Variants in SDK2 observed in about 807,000 individuals in gnomAD.
The protein encoded by SDK2 is sidekick cell adhesion molecule 2, also known as protein sidekick-2.
Under a neutral mutation model 253.9 loss-of-function variants are expected in SDK2, and 105 were observed. The observed-to-expected ratio is 0.41, with a 90% CI of 0.35 to 0.49. The LOEUF is 0.49. Among genes scored for constraint, SDK2 ranks in the 20% least tolerant of loss-of-function variants. SDK2 has a pLI of 0.06. For synonymous variants in SDK2, 1,249 were observed against 1,234.9 expected (o/e 1.01, Z -0.24); for missense variants, 2,608 against 3,003.0 (o/e 0.87, Z 3.07).
At chr17:73,349,287 G>A (rs2062514032) in intron 43 of SDK2, among the ~76,000 whole-genome samples, 1 of 152,216 alleles carries the variant, frequency 6.6e-6, no homozygotes, top group Non-Finnish European at 1.5e-5. Flanking sequence ...TCGGCTTTGG[G>A]AGCTCCTCCC....
At position 73,361,529 on chromosome 17, in the gene SDK2, C is replaced by T. The variant is rs1027744694; in HGVS notation, c.5467+155G>A. On this transcript the variant is annotated intron_variant, in intron 39 of 44. Transcript: ENST00000392650. The surrounding 1 kb of genome is among the most constrained non-coding windows in gnomAD (Gnocchi z 4.1). ...AAGCGTGGAGCCCGGGAGGAGGGAG[C>T]GGGGGGAGGGGTCACTGGGCACCAG... 2.0e-5 allele frequency among the ~76,000 whole-genome samples: 3 copies of T among 151,750 alleles called. No individual in the cohort carries two copies. The highest frequency in any genetic ancestry group is 4.8e-5 in the African/African-American group (2 of 41,298).
chr17:73,491,840 C>T (rs1157460742), intron 2 of SDK2, among the ~76,000 whole-genome samples: 1 of 152,206 alleles, frequency 6.6e-6, no homozygotes, highest in Admixed American at 6.5e-5. Flanking sequence ...TGGGGACCCG[C>T]CTGCGAGCCG....
In SDK2 at chr17:73,338,491, G is replaced by C. The variant is rs749240781; in HGVS notation, c.*96C>G. ...AACTCAGGAGGTGAAAAGTTGACTT[G>C]GTTTCTTGGTGTTTTTGTTTTCTGG... On this transcript the variant is annotated 3_prime_UTR_variant, in exon 45 of 45. Coordinates refer to ENST00000392650, the MANE Select transcript of SDK2 (RefSeq NM_001144952.2). The surrounding 1 kb of genome is among the most constrained non-coding windows in gnomAD (Gnocchi z 5.0). 1.1e-5 allele frequency: 9 copies of C among 792,442 alleles called. No homozygotes were observed. The highest frequency in any genetic ancestry group is 1.0e-4 in the African/African-American group (6 of 58,276). The allele number at this position is 792,442 out of a possible 1,614,324, so 49.1% of individuals were successfully genotyped here. A position where few individuals can be genotyped will look rare whatever the true frequency, so the allele number is the denominator to read the frequency against.
chr17:73,415,452 C>T (rs963776761), intron 17 of SDK2, among the ~76,000 whole-genome samples: 22 of 150,238 alleles, frequency 1.5e-4, no homozygotes, highest in African/African-American at 5.4e-4. Context: ...TCCCCAGGCT[C>T]CAGCCTTGGG....
chr17:73,451,631 C>A (rs1458068707), intron 4 of SDK2, among the ~76,000 whole-genome samples: 1 of 152,154 alleles, frequency 6.6e-6, no homozygotes, highest in Non-Finnish European at 1.5e-5. Context: ...TGGACTGGGA[C>A]CCCCAGGGCC....
rs1235864197 is a variant in SDK2, at chr17:73,455,905, C to T, written c.479+1G>A. On this transcript the variant is annotated splice_donor_variant, in intron 4 of 44. Transcript: ENST00000392650. LOFTEE classifies it high-confidence loss of function. This position sits in a 1 kb window ranked among gnomAD's most constrained non-coding sequence, Gnocchi z 5.0. ...CCGTCCCCTCAGAGCGATGCACTCA[C>T]ATGCGGCTGCTGGGCGGGATCTTGC... is the stretch of plus-strand genomic sequence containing the variant. 6.5e-7 allele frequency: 1 copy of T among 1,541,840 alleles called. No individual in the cohort carries two copies. Among genetic ancestry groups the T allele is most frequent in the Non-Finnish European group, 8.7e-7 (1 of 1,146,218 alleles).
chr17:73,561,770 G>A (rs1265478292), intron 1 of SDK2, among the ~76,000 whole-genome samples: 4 of 152,150 alleles, frequency 2.6e-5, no homozygotes, highest in African/African-American at 7.2e-5. Flanking sequence ...GAAGGGAGCC[G>A]AATGAGGGAC....
intron 2 of SDK2, among the ~76,000 whole-genome samples, chr17:73,505,747 A>G (rs1045669166): frequency 6.8e-6 from 1 of 147,322 alleles, no homozygotes; most frequent in Non-Finnish European, 1.5e-5. Flanking sequence ...CCTCATCAGC[A>G]TCAATAGCTG....
At chr17:73,573,033 C>T (rs1038301167) in intron 1 of SDK2, among the ~76,000 whole-genome samples, 3 of 152,172 alleles carry the variant, frequency 2.0e-5, no homozygotes, top group Non-Finnish European at 4.4e-5. Context: ...CATGAAGGAA[C>T]GGGTGACTGC....
chr17:73,505,708 G>C (rs2063929897), intron 2 of SDK2, among the ~76,000 whole-genome samples: 1 of 140,842 alleles, frequency 7.1e-6, no homozygotes, highest in South Asian at 2.3e-4. Flanking sequence ...ATCATCAATA[G>C]CTGGACCTCA....
At chr17:73,393,095 A>G (rs1001516939) in intron 27 of SDK2, among the ~76,000 whole-genome samples, 1 of 151,840 alleles carries the variant, frequency 6.6e-6, no homozygotes, top group African/African-American at 2.4e-5. Context: ...AAATACAACA[A>G]TCAGCTGGGT....
intron 2 of SDK2, among the ~76,000 whole-genome samples, chr17:73,502,125 C>T (rs1280228856): frequency 6.6e-6 from 1 of 151,500 alleles, no homozygotes; most frequent in Non-Finnish European, 1.5e-5. Context: ...ACACACCAGA[C>T]CCATTTGGCT....
At chr17:73,471,243 G>A (rs905552830) in intron 3 of SDK2, among the ~76,000 whole-genome samples, 13 of 152,064 alleles carry the variant, frequency 8.5e-5, no homozygotes, top group African/African-American at 2.7e-4. Flanking sequence ...CAGCACCCCC[G>A]GAAGATCACG....
chr17:73,386,431 G>C lies in SDK2; in HGVS notation c.4498+14C>G. ...GTGGGCTGAGAGAGAGACTGCTGGG[G>C]AAGGGGTACTGACCAGCCTGCAGGG... On this transcript the variant is annotated intron_variant, in intron 31 of 44. Coordinates refer to ENST00000392650, the MANE Select transcript of SDK2 (RefSeq NM_001144952.2). 6.6e-7 allele frequency: 1 copy of C among 1,517,962 alleles called. No homozygotes were observed. The highest frequency in any genetic ancestry group is 9.0e-7 in the Non-Finnish European group (1 of 1,116,182). The allele number at this position is 1,517,962 out of a possible 1,614,324, so 94.0% of individuals were successfully genotyped here.
chr17:73,550,858 G>A (rs777550465), intron 1 of SDK2, among the ~76,000 whole-genome samples: 1 of 152,144 alleles, frequency 6.6e-6, no homozygotes, highest in Non-Finnish European at 1.5e-5. Context: ...GGATCCCAGG[G>A]CGAGTCACCC....
chr17:73,507,268 G>C (rs1203330840), intron 2 of SDK2, among the ~76,000 whole-genome samples, 170 bp downstream of exon 2: 1 of 152,196 alleles, frequency 6.6e-6, no homozygotes, highest in Non-Finnish European at 1.5e-5. Context: ...CAGTAGGGTG[G>C]AGCCATCTCA....
intron 2 of SDK2, among the ~76,000 whole-genome samples, chr17:73,501,975 G>A (rs750792537): frequency 3.3e-5 from 5 of 152,176 alleles, no homozygotes; most frequent in East Asian, 1.9e-4. Context: ...TGACTTCAAC[G>A]TCTATGCTCT....
intron 1 of SDK2, among the ~76,000 whole-genome samples, chr17:73,573,753 TAC>T (rs2045419869): frequency 6.6e-6 from 1 of 152,212 alleles, no homozygotes; most frequent in African/African-American, 2.4e-5. Flanking sequence ...ATCATGCCAC[TAC>T]CTGGCTCAAA....
chr17:73,494,023 T>G (rs1205392292), intron 2 of SDK2, among the ~76,000 whole-genome samples: 1 of 152,198 alleles, frequency 6.6e-6, no homozygotes, highest in Non-Finnish European at 1.5e-5. Flanking sequence ...ACATGTGACC[T>G]GGGGATGCCG....
Sources: allele counts gnomAD v4.1 joint callset (sites outside exome capture counted in the v4.1 genomes callset), GRCh38; gene constraint gnomAD v4.1.1; non-coding constraint Gnocchi (gnomAD v3.1); transcripts MANE v1.5; gene names NCBI Gene and HGNC (gene_info 2026-07-23, HGNC 2026-07-21).